The following PIK3CB variants were observed in gnomAD, a reference collection of about 807,000 sequenced individuals.
PIK3CB encodes phosphatidylinositol 4,5-bisphosphate 3-kinase catalytic subunit beta isoform.
PIK3CB carries 39 observed loss-of-function variants against 136.8 expected under a neutral mutation model. The ratio of observed to expected loss-of-function variants is 0.29; its 90% CI spans 0.22 to 0.37. PIK3CB has a LOEUF of 0.37. PIK3CB is among the 10% of genes least tolerant of loss of function. The probability of loss-of-function intolerance (pLI) is 1.00; values close to 1 mark genes in which losing one functional copy is unlikely to be tolerated. For missense variants in PIK3CB, 868 were observed against 1,275.4 expected (o/e 0.68, Z 4.87); for synonymous variants, 428 against 436.6 (o/e 0.98, Z 0.25).
In PIK3CB at chr3:138,763,169, C is replaced by T. The variant is rs1360531077; in HGVS notation, c.-16-3810G>A. ...ATGTATTTGTTTAGAGATGGAGTCT[C>T]ATTCTGTCACCCAGGCTGGAGTGTA... On this transcript the variant is annotated intron_variant, in intron 2 of 23. Coordinates refer to ENST00000674063, the MANE Select transcript of PIK3CB (RefSeq NM_006219.3). Among the ~76,000 whole-genome samples, 7 of 88,690 alleles carry T rather than the reference C, an allele frequency of 7.9e-5. No individual in the cohort carries two copies. The Admixed American group carries it at 8.6e-4, about 11-fold the overall frequency. 58.2% of individuals were successfully genotyped at this position (88,690 alleles called of 152,430 possible).
chr3:138,701,491 A>G (rs140068214), intron 12 of PIK3CB, among the ~76,000 whole-genome samples: 4 of 152,294 alleles, frequency 2.6e-5, no homozygotes, highest in African/African-American at 9.6e-5. Flanking sequence ...TTAAGGGGTA[A>G]AAGGACATGA....
At chr3:138,687,828 C>T (rs493152) in intron 16 of PIK3CB, among the ~76,000 whole-genome samples, 3 of 151,982 alleles carry the variant, frequency 2.0e-5, no homozygotes, top group Non-Finnish European at 2.9e-5. Context: ...AAGGGAAACA[C>T]GGGGTACAAT....
intron 1 of PIK3CB, among the ~76,000 whole-genome samples, chr3:138,828,919 C>G (rs371709913): frequency 6.6e-6 from 1 of 151,488 alleles, no homozygotes; most frequent in Admixed American, 6.6e-5. Flanking sequence ...TCCAGAATAG[C>G]TGGGATTACA....
chr3:138,827,129 A>G (rs1038498771), intron 1 of PIK3CB, among the ~76,000 whole-genome samples: 2 of 152,174 alleles, frequency 1.3e-5, no homozygotes, highest in African/African-American at 4.8e-5. Context: ...GATTGAATAC[A>G]GGATCAAACT....
chr3:138,798,563 G>A (rs900124486), intron 1 of PIK3CB, among the ~76,000 whole-genome samples: 1 of 152,170 alleles, frequency 6.6e-6, no homozygotes, highest in African/African-American at 2.4e-5. Context: ...AGCATTGGAG[G>A]AATGGTGTGA....
intron 22 of PIK3CB, among the ~76,000 whole-genome samples, chr3:138,657,003 G>A (rs2043202789): frequency 6.6e-6 from 1 of 152,138 alleles, no homozygotes; most frequent in Non-Finnish European, 1.5e-5. Context: ...CCGACCTCCA[G>A]TGATCTGTGT....
At chr3:138,787,720 CTT>C (rs879420169) in intron 2 of PIK3CB, among the ~76,000 whole-genome samples, 20 of 133,022 alleles carry the variant, frequency 1.5e-4, no homozygotes, top group African/African-American at 3.0e-4. Context: ...CAAATGTATT[CTT>C]TTTTTTTTTT....
chr3:138,678,266 G>T (rs969087419), intron 19 of PIK3CB, among the ~76,000 whole-genome samples: 2 of 152,088 alleles, frequency 1.3e-5, no homozygotes, highest in South Asian at 4.1e-4. Flanking sequence ...GTTTGTGGCT[G>T]CAGTGAGCTA....
chr3:138,812,715 G>C (rs1242631228), intron 1 of PIK3CB, among the ~76,000 whole-genome samples: 1 of 152,034 alleles, frequency 6.6e-6, no homozygotes, highest in Non-Finnish European at 1.5e-5. Context: ...TTTTAGAAGA[G>C]ATGGGGTTTC....
intron 1 of PIK3CB, among the ~76,000 whole-genome samples, chr3:138,810,631 A>C (rs1932988479): frequency 6.6e-6 from 1 of 152,018 alleles, no homozygotes; most frequent in African/African-American, 2.4e-5. Context: ...AAAACAAGAA[A>C]TGTTGGGCCG....
intron 13 of PIK3CB, among the ~76,000 whole-genome samples, chr3:138,695,931 A>ATTTTTTT (rs34470924): frequency 9.9e-5 from 9 of 90,804 alleles, no homozygotes; most frequent in Non-Finnish European, 1.4e-4. Flanking sequence ...AATTTTTTGT[A>ATTTTTTT]TTTTTTTTTT....
At chr3:138,675,658 T>G (rs2043628864) in intron 19 of PIK3CB, among the ~76,000 whole-genome samples, 1 of 152,146 alleles carries the variant, frequency 6.6e-6, no homozygotes, top group Non-Finnish European at 1.5e-5. Flanking sequence ...GATGACATAT[T>G]AGACATGCTG....
intron 4 of PIK3CB, among the ~76,000 whole-genome samples, chr3:138,744,721 A>C (rs1002123744): frequency 3.3e-5 from 5 of 152,214 alleles, no homozygotes; most frequent in African/African-American, 9.7e-5. Context: ...ATTATAAAAG[A>C]AGTAAAAAGC....
At chr3:138,721,931 A>C (rs1489269300) in intron 8 of PIK3CB, among the ~76,000 whole-genome samples, 2 of 152,164 alleles carry the variant, frequency 1.3e-5, no homozygotes, top group Admixed American at 1.3e-4. Context: ...TACAGTATTG[A>C]AATATGCTAC....
intron 17 of PIK3CB, 137 bp downstream of exon 17, chr3:138,684,488 G>A (rs779029155): frequency 6.9e-5 from 35 of 510,810 alleles, no homozygotes; most frequent in Non-Finnish European, 8.7e-5. Context: ...GCATAGCCTC[G>A]GAGAACTTTT....
intron 12 of PIK3CB, among the ~76,000 whole-genome samples, chr3:138,700,320 G>A (rs1198767072): frequency 6.6e-6 from 1 of 152,118 alleles, no homozygotes; most frequent in Non-Finnish European, 1.5e-5. Context: ...TATAAAAAAT[G>A]AAACTCTCCG....
intron 2 of PIK3CB, among the ~76,000 whole-genome samples, chr3:138,775,410 C>T (rs1038614019): frequency 6.6e-6 from 1 of 152,122 alleles, no homozygotes; most frequent in African/African-American, 2.4e-5. Flanking sequence ...CCAGCCTGTA[C>T]CAGAGCAGTT....
chr3:138,733,299 A>C, intron 8 of PIK3CB, 62 bp downstream of exon 8: 1 of 696,650 alleles, frequency 1.4e-6, no homozygotes, highest in Non-Finnish European at 2.6e-6. Context: ...ATTATTGAGC[A>C]TATCAGTGAG....
At chr3:138,746,639 T>G (rs1051595861) in intron 4 of PIK3CB, among the ~76,000 whole-genome samples, 2 of 152,110 alleles carry the variant, frequency 1.3e-5, no homozygotes, top group Admixed American at 1.3e-4. Context: ...CCAGCCTGGG[T>G]GACAGAGTGA....
Sources: gnomAD v4.1 joint callset for allele counts (sites outside exome capture counted in the v4.1 genomes callset) on GRCh38, gnomAD v4.1.1 for gene constraint, MANE v1.5 for transcripts, NCBI Gene and HGNC (gene_info 2026-07-23, HGNC 2026-07-21) for gene names.